Variants in TPTE2 observed in about 807,000 individuals in gnomAD.
TPTE2 encodes the protein phosphatidylinositol 3,4,5-trisphosphate 3-phosphatase TPTE2.
Under a neutral mutation model 78.6 loss-of-function variants are expected in TPTE2, and 53 were observed. The observed-to-expected ratio is 0.67, with a 90% CI of 0.54 to 0.85. The LOEUF (loss-of-function observed/expected upper bound fraction) is 0.85. Among genes scored for constraint, TPTE2 ranks in the 40% least tolerant of loss-of-function variants. The probability of loss-of-function intolerance (pLI) is 0.00; values close to 1 mark genes in which losing one functional copy is unlikely to be tolerated. For synonymous variants in TPTE2, 175 were observed against 206.2 expected (o/e 0.85, Z 1.30); for missense variants, 461 against 623.0 (o/e 0.74, Z 2.77).
At chr13:19,484,180 A>C (rs1441626118) in intron 3 of TPTE2, among the ~76,000 whole-genome samples, 1 of 152,182 alleles carries the variant, frequency 6.6e-6, no homozygotes, top group Non-Finnish European at 1.5e-5. Flanking sequence ...ATTTGTTTCA[A>C]GGAATTCTTA....
At chr13:19,473,991 A>C in exon 6 of TPTE2, 1 of 1,609,906 alleles carries the variant, frequency 6.2e-7, no homozygotes, top group Non-Finnish European at 8.5e-7. Context: ...GATACTCCAA[A>C]GGAATATAAA....
intron 3 of TPTE2, among the ~76,000 whole-genome samples, chr13:19,488,147 T>C (rs1880768387): frequency 6.6e-6 from 1 of 152,228 alleles, no homozygotes; most frequent in Non-Finnish European, 1.5e-5. Context: ...TTTGATACTC[T>C]AATCAAATCT....
chr13:19,479,351 G>GA (rs200400830), intron 4 of TPTE2, among the ~76,000 whole-genome samples: 1,777 of 151,982 alleles, frequency 0.012, 32 homozygotes, highest in African/African-American at 0.039. Context: ...GATATTGATG[G>GA]AAAAAATGGT....
chr13:19,423,386 G>A (rs1875754337), intron 19 of TPTE2, among the ~76,000 whole-genome samples: 1 of 152,092 alleles, frequency 6.6e-6, no homozygotes, highest in Non-Finnish European at 1.5e-5. Context: ...GACTCTCTTA[G>A]CATTGCTTTA....
chr13:19,497,820 GAGA>G (rs1881484413), intron 1 of TPTE2, among the ~76,000 whole-genome samples: 1 of 151,120 alleles, frequency 6.6e-6, no homozygotes, highest in African/African-American at 2.4e-5. Flanking sequence ...GACAAGCTGA[GAGA>G]AGAAGGCTTC....
chr13:19,558,803 C>T, the TPTE2 span, among the ~76,000 whole-genome samples: 18 of 152,096 alleles, frequency 1.2e-4, no homozygotes, highest in African/African-American at 2.4e-5. Flanking sequence ...AAAAGATAAA[C>T]GTATTTAAAA....
chr13:19,433,041 C>G (rs1482523502), intron 15 of TPTE2, among the ~76,000 whole-genome samples: 2 of 152,166 alleles, frequency 1.3e-5, no homozygotes, highest in Non-Finnish European at 2.9e-5. Flanking sequence ...TCTCTTGTTC[C>G]TGACAGCTAG....
chr13:19,560,763 C>T, the TPTE2 span: 14 of 1,470,734 alleles, frequency 9.5e-6, no homozygotes, highest in Non-Finnish European at 1.3e-5. Flanking sequence ...GGAAGGCGCC[C>T]GGGAAGGGCA....
chr13:19,446,862 AG>A (rs1386207697), intron 13 of TPTE2, among the ~76,000 whole-genome samples: 1 of 152,132 alleles, frequency 6.6e-6, no homozygotes, highest in Non-Finnish European at 1.5e-5. Context: ...GGATCGCTTG[AG>A]CCCCAGGAGG....
intron 1 of TPTE2, among the ~76,000 whole-genome samples, chr13:19,508,751 A>T (rs115850271): frequency 6.6e-6 from 1 of 152,158 alleles, no homozygotes; most frequent in African/African-American, 2.4e-5. Flanking sequence ...AAACTGCAAA[A>T]TGTGAAAATT....
chr13:19,539,953 G>A (rs4769735), upstream of TPTE2, among the ~76,000 whole-genome samples: 97,549 of 151,878 alleles, frequency 0.64, 34,253 homozygotes, highest in East Asian at 0.88. Flanking sequence ...AAGACCAGTC[G>A]GACCAACAGG....
chr13:19,523,866 A>C (rs1013976218), intron 1 of TPTE2, among the ~76,000 whole-genome samples: 1 of 152,232 alleles, frequency 6.6e-6, no homozygotes, highest in Non-Finnish European at 1.5e-5. Context: ...GGTGAAACTA[A>C]AGTCATCAGT....
intron 13 of TPTE2, among the ~76,000 whole-genome samples, chr13:19,448,956 AGCCT>A (rs1259625836): frequency 6.6e-6 from 1 of 152,234 alleles, no homozygotes; most frequent in African/African-American, 2.4e-5. Context: ...CATACTATTC[AGCCT>A]TAGAGGATAT....
chr13:19,468,082 C>T, intron 6 of TPTE2, among the ~76,000 whole-genome samples: 1 of 113,698 alleles, frequency 8.8e-6, no homozygotes, highest in Admixed American at 1.3e-4. Context: ...ACTCAGCTGC[C>T]CAGGCTGGAG....
the TPTE2 span, among the ~76,000 whole-genome samples, chr13:19,544,946 ACAC>A: frequency 1.4e-5 from 2 of 139,896 alleles, no homozygotes; most frequent in Non-Finnish European, 3.1e-5. Flanking sequence ...ACACACACAC[ACAC>A]ACACACACAC....
chr13:19,482,442 G>A, intron 4 of TPTE2, 46 bp downstream of exon 7: 3 of 1,599,990 alleles, frequency 1.9e-6, no homozygotes, highest in Non-Finnish European at 2.6e-6. Context: ...CTAAAGGTAA[G>A]AGATCCATCA....
intron 13 of TPTE2, among the ~76,000 whole-genome samples, chr13:19,446,403 T>C (rs1312212513): frequency 6.6e-6 from 1 of 152,152 alleles, no homozygotes; most frequent in Non-Finnish European, 1.5e-5. Flanking sequence ...TACAAATTAA[T>C]GGAGAACAAA....
intron 13 of TPTE2, among the ~76,000 whole-genome samples, chr13:19,443,237 G>C (rs61956973): frequency 6.6e-6 from 1 of 151,150 alleles, no homozygotes; most frequent in Admixed American, 6.6e-5. Context: ...TGGTTTACCA[G>C]TTAATCAATG....
intron 1 of TPTE2, among the ~76,000 whole-genome samples, chr13:19,530,472 C>G (rs934359625): frequency 1.3e-5 from 2 of 152,198 alleles, no homozygotes; most frequent in Non-Finnish European, 2.9e-5. Flanking sequence ...ATGTGCTTCT[C>G]TCTTTGGCTC....
Sources: allele counts gnomAD v4.1 joint callset (sites outside exome capture counted in the v4.1 genomes callset), GRCh38; gene constraint gnomAD v4.1.1; transcripts MANE v1.5; gene names NCBI Gene and HGNC (gene_info 2026-07-23, HGNC 2026-07-21).